Variants in RBFOX1 observed in about 807,000 individuals in gnomAD.
The protein encoded by RBFOX1 is RNA binding fox-1 homolog 1.
In RBFOX1, 8 loss-of-function variants were observed where a neutral mutation model predicts 57.7. That is an observed-to-expected ratio of 0.14 (90% CI 0.08 to 0.25). The LOEUF (loss-of-function observed/expected upper bound fraction) is 0.25. RBFOX1 is among the 10% of genes least tolerant of loss of function. The pLI, the probability that RBFOX1 is intolerant of heterozygous loss-of-function variation, is 1.00. For synonymous variants in RBFOX1, 326 were observed against 222.4 expected (o/e 1.47, Z -4.15); for missense variants, 611 against 548.5 (o/e 1.11, Z -1.14).
chr16:6,665,213 T>G (rs1237071238), intron 3 of RBFOX1, among the ~76,000 whole-genome samples: 7 of 152,112 alleles, frequency 4.6e-5, no homozygotes, highest in Non-Finnish European at 8.8e-5. Context: ...GGATGTGGCT[T>G]AAGAGGTGTC....
chr16:6,386,238 A>C (rs535532387), intron 2 of RBFOX1, among the ~76,000 whole-genome samples: 1 of 152,188 alleles, frequency 6.6e-6, no homozygotes, highest in African/African-American at 2.4e-5. Context: ...TCTAAGCTTC[A>C]CACTGCTGTC....
At chr16:6,663,935 A>G (rs1205841023) in intron 3 of RBFOX1, among the ~76,000 whole-genome samples, 4 of 152,200 alleles carry the variant, frequency 2.6e-5, no homozygotes, top group African/African-American at 7.2e-5. Context: ...GTGGCTAGAG[A>G]TAAAGCTCAA....
At chr16:6,969,207 C>A (rs1290418308) in intron 3 of RBFOX1, among the ~76,000 whole-genome samples, 4 of 152,122 alleles carry the variant, frequency 2.6e-5, no homozygotes, top group Non-Finnish European at 5.9e-5. Context: ...ATTCCCAGTC[C>A]TTCACCTGTT....
rs936528843 is a variant in RBFOX1 at position 6,899,450 on chromosome 16, T to C, written c.-15-152607T>C. ...ATTTTTACATTTTTAGTTGGTTGTT[T>C]ACGGCCATTGGTTGGTCTGTCAAGA... is the stretch of plus-strand genomic sequence containing the variant. On this transcript the variant is annotated intron_variant, in intron 3 of 15. Coordinates refer to ENST00000550418, the MANE Select transcript of RBFOX1 (RefSeq NM_018723.4). Among the ~76,000 whole-genome samples the C allele has an allele frequency of 2.6e-5, 4 of 152,216 alleles. No homozygotes were observed. In the South Asian group the frequency reaches 8.3e-4, roughly 32 times the overall value.
chr16:7,063,523 C>T (rs2055135092), intron 4 of RBFOX1, among the ~76,000 whole-genome samples: 1 of 152,030 alleles, frequency 6.6e-6, no homozygotes, highest in African/African-American at 2.4e-5. Flanking sequence ...GGAGATGGAC[C>T]CAAGGGACTA....
intron 4 of RBFOX1, among the ~76,000 whole-genome samples, chr16:7,316,356 T>C (rs768316640): frequency 2.0e-5 from 3 of 152,240 alleles, no homozygotes; most frequent in African/African-American, 4.8e-5. Context: ...TTGCATGATC[T>C]GTTTACAGAA....
At chr16:6,354,894 C>T (rs1047199551) in intron 2 of RBFOX1, among the ~76,000 whole-genome samples, 1 of 152,012 alleles carries the variant, frequency 6.6e-6, no homozygotes, top group Admixed American at 6.6e-5. Flanking sequence ...CTGAGGTTAC[C>T]GTCATCTTGA....
intron 3 of RBFOX1, among the ~76,000 whole-genome samples, chr16:6,682,986 T>A (rs1255873417): frequency 6.6e-6 from 1 of 150,988 alleles, no homozygotes; most frequent in Non-Finnish European, 1.5e-5. Flanking sequence ...CAGTGTTGAG[T>A]GCTTTACACA....
chr16:5,665,300 A>G (rs1596654084), intron 3 of RBFOX1, among the ~76,000 whole-genome samples: 1 of 152,022 alleles, frequency 6.6e-6, no homozygotes, highest in South Asian at 2.1e-4. Context: ...CTCTGCCCCA[A>G]ATAGTCTGCC....
Position 5,664,592 on chromosome 16 carries a change from C to G in RBFOX1, c.318+65631C>G, listed in dbSNP as rs1314600246. Reference sequence around the variant, plus strand: ...GTTCCTGCTCCCAGAGTTTCTGCCACAGGACCCAGTAATCTGATATGCAGC... The same window carrying G: ...GTTCCTGCTCCCAGAGTTTCTGCCAGAGGACCCAGTAATCTGATATGCAGC... On this transcript the variant is annotated intron_variant, in intron 3 of 19. Transcript: ENST00000641259. Among the ~76,000 whole-genome samples the G allele has an allele frequency of 2.0e-5, 3 of 152,086 alleles. No homozygotes were observed. The East Asian group carries it at 5.8e-4, about 29-fold the overall frequency.
At chr16:5,588,767 C>G (rs1016753578) in intron 2 of RBFOX1, among the ~76,000 whole-genome samples, 5 of 152,134 alleles carry the variant, frequency 3.3e-5, no homozygotes, top group African/African-American at 9.7e-5. Flanking sequence ...GAAATGGAGT[C>G]AAGCCGGTCT....
In RBFOX1 at chr16:7,076,481, G is replaced by T. The variant is rs116162475; in HGVS notation, c.27+24383G>T. 5.5e-3 allele frequency among the ~76,000 whole-genome samples: 842 copies of T among 152,220 alleles called. 8 individuals are homozygous for T. The highest frequency in any genetic ancestry group is 0.019 in the African/African-American group (793 of 41,538). On this transcript the variant is annotated intron_variant, in intron 4 of 15. Coordinates refer to ENST00000550418, the MANE Select transcript of RBFOX1 (RefSeq NM_018723.4). ...GGATATACCAGATTTCTTGGTGGAA[G>T]TGTAAAATATTTTCATATGCCTAAT... is the stretch of plus-strand genomic sequence containing the variant.
intron 2 of RBFOX1, among the ~76,000 whole-genome samples, chr16:6,392,921 C>G (rs2092670058): frequency 6.6e-6 from 1 of 152,224 alleles, no homozygotes; most frequent in Non-Finnish European, 1.5e-5. Context: ...ATGACCCACC[C>G]TCTTCTGCCA....
At chr16:6,764,079 C>T (rs571499934) in intron 3 of RBFOX1, among the ~76,000 whole-genome samples, 8 of 152,270 alleles carry the variant, frequency 5.3e-5, no homozygotes, top group Non-Finnish European at 1.2e-4. Flanking sequence ...TCACTCATAA[C>T]GTGATCTTAA....
intron 1 of RBFOX1, among the ~76,000 whole-genome samples, chr16:6,164,819 C>G (rs867206765): frequency 1.3e-5 from 2 of 152,012 alleles, no homozygotes; most frequent in Admixed American, 1.3e-4. Context: ...GAGCTCGTTA[C>G]AAGAAGACTG....
intron 2 of RBFOX1, among the ~76,000 whole-genome samples, chr16:6,521,681 C>T (rs1054872290): frequency 6.6e-6 from 1 of 151,966 alleles, no homozygotes; most frequent in Admixed American, 6.6e-5. Flanking sequence ...CTAATTATAG[C>T]CTTGTTTGGA....
intron 4 of RBFOX1, among the ~76,000 whole-genome samples, chr16:7,249,024 A>G (rs1177857462): frequency 6.6e-6 from 1 of 152,146 alleles, no homozygotes. Flanking sequence ...GCCAGGGAAT[A>G]CAGCACTGCT....
At chr16:7,271,911 G>C (rs905824557) in intron 4 of RBFOX1, among the ~76,000 whole-genome samples, 2 of 152,026 alleles carry the variant, frequency 1.3e-5, no homozygotes. Flanking sequence ...ATCCATGAGT[G>C]CCCCAGTCCT....
Position 6,660,599 on chromosome 16 carries a change from C to T in RBFOX1, c.-16+5949C>T, listed in dbSNP as rs148135837. On this transcript the variant is annotated intron_variant, in intron 3 of 15. Transcript: ENST00000550418. ...CCCTCCCAAATAGCAACTCTGTGAC[C>T]TTGAGAAGCTTTCTTACCCTGTATA... Among the ~76,000 whole-genome samples the T allele has an allele frequency of 1.2e-4, 19 of 152,170 alleles. No homozygotes were observed. In the East Asian group the frequency reaches 3.7e-3, roughly 29 times the overall value.
Sources: allele counts gnomAD v4.1 joint callset (sites outside exome capture counted in the v4.1 genomes callset), GRCh38; gene constraint gnomAD v4.1.1; transcripts MANE v1.5; gene names NCBI Gene and HGNC (gene_info 2026-07-23, HGNC 2026-07-21).